Variants in STK26 observed in about 807,000 individuals in gnomAD.
STK26 encodes the protein serine/threonine kinase 26.
In STK26, 14 loss-of-function variants were observed where a neutral mutation model predicts 34.7. That is an observed-to-expected ratio of 0.40 (90% CI 0.27 to 0.63). The LOEUF is 0.63. Among genes scored for constraint, STK26 ranks in the 30% least tolerant of loss-of-function variants. STK26 has a pLI of 0.38. For missense variants in STK26, 226 were observed against 309.1 expected, an observed-to-expected ratio of 0.73 and a Z score of 2.02; for synonymous variants, 100 against 109.8, an observed-to-expected ratio of 0.91 and a Z score of 0.56.
chrX:132,054,964 C>A, intron 3 of STK26, 103 bp downstream of exon 3: 1 of 704,999 alleles, frequency 1.4e-6, no homozygotes, highest in Non-Finnish European at 2.1e-6. Flanking sequence ...ATTTGGCAGT[C>A]TATGGCTTCC....
At chrX:132,026,487 T>G (rs1935103535) in intron 2 of STK26, among the ~76,000 whole-genome samples, 1 of 111,741 alleles carries the variant, frequency 8.9e-6, no homozygotes, top group Non-Finnish European at 1.9e-5. Context: ...TTGAAAATAT[T>G]TAAAGTACAA....
Position 132,054,838 on chromosome X carries a change from A to G in STK26, c.250A>G (p.Lys84Glu). The part of the protein sequence containing the change: ...LSQCDSSYVT[K>E]YYGSYLKGSK... ...TCAATGTGACAGCTCATATGTAACA[A>G]AATACTATGGGTCATATTTAAAGGT... The change falls in exon 3 of 12, where the codon AAA (lysine) becomes GAA (glutamate). Residue 84 changes from lysine to glutamate, a missense_variant. Physicochemically the swap from Lys to Glu is moderately conservative, Grantham distance 56. This residue lies in a region of STK26 where 100 missense variants were observed against 176.7 expected (regional missense o/e 0.57). Coordinates refer to ENST00000394334, the MANE Select transcript of STK26 (RefSeq NM_016542.4). 8.3e-7 allele frequency: 1 copy of G among 1,201,172 alleles called. No homozygotes were observed.
chrX:132,023,686 GC>G, intron 2 of STK26, 27 bp downstream of exon 2: 1 of 1,171,660 alleles, frequency 8.5e-7, no homozygotes, highest in Admixed American at 2.5e-5. Flanking sequence ...CGCCCCCGCC[GC>G]CCACGTGACT....
chrX:132,068,484 A>G lies in STK26; in HGVS notation c.512A>G (p.Asp171Gly). The G allele has an allele frequency of 8.3e-7, 1 of 1,211,085 alleles. No individual in the cohort carries two copies. The highest frequency in any genetic ancestry group is 1.1e-6 in the Non-Finnish European group (1 of 895,059). ...ADFGVAGQLT[D>G]TQIKRNTFVG... is the part of the protein sequence containing the mutation. ...TTTGGAGTTGCTGGTCAGCTGACAGATACACAGATTAAAAGAAATACCTTT... is the reference window on the plus strand; with the variant it reads ...TTTGGAGTTGCTGGTCAGCTGACAGGTACACAGATTAAAAGAAATACCTTT... The change falls in exon 6 of 12, where the codon GAT (aspartate) becomes GGT (glycine). Residue 171 changes from aspartate to glycine, a missense_variant. Around this residue, in one of 2 missense-constraint regions of STK26, gnomAD observed 100 missense variants for 176.7 expected, o/e 0.57. Coordinates refer to ENST00000394334, the MANE Select transcript of STK26 (RefSeq NM_016542.4).
chrX:132,041,176 G>T (rs762928924), intron 2 of STK26, among the ~76,000 whole-genome samples: 1 of 111,106 alleles, frequency 9.0e-6, no homozygotes, highest in East Asian at 2.8e-4. Flanking sequence ...AGCTTTCAGC[G>T]GCTGCCTACT....
At chrX:132,060,997 A>T (rs1003150979) in intron 3 of STK26, among the ~76,000 whole-genome samples, 1 of 112,016 alleles carries the variant, frequency 8.9e-6, no homozygotes, top group Non-Finnish European at 1.9e-5. Flanking sequence ...GCTTAATGGT[A>T]TATACTACTT....
At chrX:132,034,289 A>ATTT (rs1219878763) in intron 2 of STK26, among the ~76,000 whole-genome samples, 16 of 34,932 alleles carry the variant, frequency 4.6e-4, no homozygotes, top group Admixed American at 2.1e-3. Context: ...TGAGACATTT[A>ATTT]TTCTTTTTTT....
chrX:132,027,510 A>T (rs1446074423), intron 2 of STK26, among the ~76,000 whole-genome samples: 1 of 111,963 alleles, frequency 8.9e-6, no homozygotes, highest in African/African-American at 3.2e-5. Context: ...GTCAAGGAGC[A>T]TATGTATACA....
At chrX:132,034,381 A>G in intron 2 of STK26, among the ~76,000 whole-genome samples, 1 of 86,886 alleles carries the variant, frequency 1.2e-5, no homozygotes, top group Non-Finnish European at 2.1e-5. Context: ...ATCTCGGCTC[A>G]CTGCAAGCTC....
Position 132,054,198 on chromosome X carries a change from G to A in STK26, c.43-433G>A, listed in dbSNP as rs1411475029. On this transcript the variant is annotated intron_variant, in intron 2 of 11. Coordinates refer to ENST00000394334, the MANE Select transcript of STK26 (RefSeq NM_016542.4). The stretch of plus-strand genomic sequence containing the variant: ...TGTAGCTAAGATGATTGGGATATCC[G>A]AGTTGGAGAGAGAGGAGTGTTAAAA... Among the ~76,000 whole-genome samples, 3 of 112,212 alleles carry A rather than the reference G, an allele frequency of 2.7e-5. No individual in the cohort carries two copies. The Admixed American group carries it at 2.8e-4, about 11-fold the overall frequency.
chrX:132,032,062 C>T (rs1190175621), intron 2 of STK26, among the ~76,000 whole-genome samples: 1 of 111,487 alleles, frequency 9.0e-6, no homozygotes. Flanking sequence ...CCCACCACCC[C>T]TCACTAGCTT....
At chrX:132,040,886 G>T (rs925894896) in intron 2 of STK26, among the ~76,000 whole-genome samples, 2 of 111,694 alleles carry the variant, frequency 1.8e-5, no homozygotes, top group Admixed American at 9.5e-5. Flanking sequence ...TTGATTTAGT[G>T]GGGGAGGTAC....
intron 3 of STK26, among the ~76,000 whole-genome samples, chrX:132,055,222 A>T (rs1429729685): frequency 8.9e-6 from 1 of 112,106 alleles, no homozygotes; most frequent in Non-Finnish European, 1.9e-5. Flanking sequence ...TGGAACATGT[A>T]AGTATGTCAC....
intron 11 of STK26, among the ~76,000 whole-genome samples, chrX:132,073,910 T>G (rs1275402523): frequency 9.0e-6 from 1 of 111,630 alleles, no homozygotes; most frequent in Non-Finnish European, 1.9e-5. Context: ...TCCCTTATAT[T>G]TTAATGAAAA....
chrX:132,038,021 T>G (rs1165835540), intron 2 of STK26, among the ~76,000 whole-genome samples: 1 of 110,286 alleles, frequency 9.1e-6, no homozygotes, highest in African/African-American at 3.3e-5. Flanking sequence ...GCTATGGATC[T>G]TCTATCTGCT....
chrX:132,034,036 A>G (rs1925937098), intron 2 of STK26, among the ~76,000 whole-genome samples: 1 of 108,345 alleles, frequency 9.2e-6, no homozygotes, highest in South Asian at 3.9e-4. Context: ...GACTTTTAAA[A>G]GAGAGTATGT....
In STK26 at chrX:132,068,492, AT is replaced by A; in HGVS notation, c.522del (p.Arg176GlufsTer37). 1 of 1,210,959 alleles carries A rather than the reference AT, an allele frequency of 8.3e-7. No homozygotes were observed. Among genetic ancestry groups the A allele is most frequent in the Non-Finnish European group, 1.1e-6 (1 of 894,999 alleles). ...GVAGQLTDTQ[I>X]KRNTFVGTPF... is the part of the protein sequence containing the mutation. ...TGCTGGTCAGCTGACAGATACACAG[AT>A]TAAAAGAAATACCTTTGTGGGAACT... On this transcript the variant is annotated frameshift_variant, in exon 6 of 12. Coordinates refer to ENST00000394334, the MANE Select transcript of STK26 (RefSeq NM_016542.4). LOFTEE classifies it high-confidence loss of function.
intron 2 of STK26, among the ~76,000 whole-genome samples, chrX:132,047,433 C>A (rs1322229438): frequency 9.0e-6 from 1 of 111,532 alleles, no homozygotes; most frequent in Non-Finnish European, 1.9e-5. Flanking sequence ...TATTCCTGGA[C>A]AATTTCATCA....
chrX:132,068,631 C>G, intron 6 of STK26, 62 bp downstream of exon 6: 1 of 1,050,224 alleles, frequency 9.5e-7, no homozygotes, highest in Non-Finnish European at 1.3e-6. Context: ...GGCACACTAT[C>G]CTAGTTAATA....
Sources: allele counts gnomAD v4.1 joint callset (sites outside exome capture counted in the v4.1 genomes callset), GRCh38; gene constraint gnomAD v4.1.1; regional missense constraint gnomAD v4.1.1; transcripts MANE v1.5; gene names NCBI Gene and HGNC (gene_info 2026-07-23, HGNC 2026-07-21).